Variants in PPP2R2C observed in about 807,000 individuals in gnomAD.
The protein encoded by PPP2R2C is protein phosphatase 2 regulatory subunit Bgamma, also known as protein phosphatase 2, regulatory subunit B, gamma.
A neutral mutation model predicts 45.3 loss-of-function variants in PPP2R2C; 10 were observed. That is an observed-to-expected ratio of 0.22 (90% CI 0.14 to 0.37). PPP2R2C has a LOEUF of 0.37. Ranked by LOEUF, PPP2R2C falls within the 10% of genes least tolerant of loss-of-function variation. PPP2R2C has a pLI of 1.00. For synonymous variants in PPP2R2C, 257 were observed against 245.4 expected, an observed-to-expected ratio of 1.05 and a Z score of -0.44; for missense variants, 308 against 619.7, an observed-to-expected ratio of 0.50 and a Z score of 5.34.
At chr4:6,522,955 GA>G (rs1724072917) in intron 2 of PPP2R2C, among the ~76,000 whole-genome samples, 1 of 152,242 alleles carries the variant, frequency 6.6e-6, no homozygotes, top group African/African-American at 2.4e-5. Flanking sequence ...GAGGCAGGGA[GA>G]GGGGCAGGCC....
chr4:6,542,709 A>AAAAAAAAGAAAAAG (rs112182178), intron 1 of PPP2R2C, among the ~76,000 whole-genome samples: 1 of 127,836 alleles, frequency 7.8e-6, no homozygotes, highest in African/African-American at 2.8e-5. Flanking sequence ...TCTCAAAAAA[A>AAAAAAAAGAAAAAG]AAAAAGAAAA....
At chr4:6,441,342 TC>T (rs796591618) in intron 1 of PPP2R2C, among the ~76,000 whole-genome samples, 9 of 151,902 alleles carry the variant, frequency 5.9e-5, no homozygotes, top group African/African-American at 1.7e-4. Flanking sequence ...GGTCCCTCAC[TC>T]CATGGCTTAA....
chr4:6,419,686 A>C (rs1432095524), intron 1 of PPP2R2C, among the ~76,000 whole-genome samples: 1 of 152,280 alleles, frequency 6.6e-6, no homozygotes, highest in East Asian at 1.9e-4. Flanking sequence ...GCTGGAAAAC[A>C]ATCGAACTTT....
At chr4:6,347,782 C>A (rs1712133283) in intron 6 of PPP2R2C, 64 bp downstream of exon 6, 2 of 1,452,930 alleles carry the variant, frequency 1.4e-6, no homozygotes, top group Non-Finnish European at 1.8e-6. Context: ...TGCACCAGGA[C>A]AGGACATCCC....
At chr4:6,533,320 G>T (rs1214234609) in intron 2 of PPP2R2C, among the ~76,000 whole-genome samples, 1 of 152,140 alleles carries the variant, frequency 6.6e-6, no homozygotes, top group African/African-American at 2.4e-5. Flanking sequence ...ATTCTAAACT[G>T]CAGAGCCTCC....
chr4:6,441,179 T>C (rs1043192632), intron 1 of PPP2R2C, among the ~76,000 whole-genome samples: 2 of 152,032 alleles, frequency 1.3e-5, no homozygotes, highest in Non-Finnish European at 2.9e-5. Flanking sequence ...GGAACCTCAG[T>C]GCAGGCTCTG....
chr4:6,450,706 T>C (rs1720692404), intron 1 of PPP2R2C, among the ~76,000 whole-genome samples: 1 of 152,258 alleles, frequency 6.6e-6, no homozygotes, highest in East Asian at 1.9e-4. Flanking sequence ...AGGCCTGGGT[T>C]AAAATCCTGG....
intron 1 of PPP2R2C, among the ~76,000 whole-genome samples, chr4:6,444,617 C>A (rs1410702805): frequency 2.0e-5 from 3 of 152,342 alleles, no homozygotes; most frequent in African/African-American, 7.2e-5. Flanking sequence ...GACAGTAACT[C>A]TGCACTTCAG....
chr4:6,350,466 C>T (rs1445392774), intron 5 of PPP2R2C: 2 of 985,336 alleles, frequency 2.0e-6, no homozygotes, highest in Non-Finnish European at 2.4e-6. Flanking sequence ...CTGAGACACA[C>T]AAAAGCCACA....
At chr4:6,519,430 A>G (rs1356724018) in intron 2 of PPP2R2C, among the ~76,000 whole-genome samples, 2 of 152,064 alleles carry the variant, frequency 1.3e-5, no homozygotes, top group African/African-American at 4.8e-5. Context: ...AAGTCCACCC[A>G]GGCCCCACGG....
intron 1 of PPP2R2C, among the ~76,000 whole-genome samples, chr4:6,435,435 T>C (rs1384215025): frequency 1.3e-5 from 2 of 152,236 alleles, no homozygotes; most frequent in Non-Finnish European, 2.9e-5. Flanking sequence ...GCTCAATTAT[T>C]TTTTTCCTTA....
At chr4:6,473,993 C>A (rs536684119), upstream of PPP2R2C, among the ~76,000 whole-genome samples, 3 of 152,330 alleles carry the variant, frequency 2.0e-5, no homozygotes, top group South Asian at 6.2e-4. Flanking sequence ...CTGCCCTGTT[C>A]CAGCCTCTAC....
intron 1 of PPP2R2C, chr4:6,383,193 C>T (rs191145675): frequency 1.0e-5 from 12 of 1,188,334 alleles, no homozygotes; most frequent in South Asian, 3.1e-5. Context: ...CAGGCTGGCC[C>T]ACTGGCCCCT....
At chr4:6,349,625 G>A in intron 5 of PPP2R2C, 2 of 966,630 alleles carry the variant, frequency 2.1e-6, no homozygotes, top group Non-Finnish European at 2.5e-6. Context: ...CGGATCACGA[G>A]GTCAGGAGAT....
At chr4:6,526,522 C>A (rs1724214443) in intron 2 of PPP2R2C, among the ~76,000 whole-genome samples, 2 of 152,206 alleles carry the variant, frequency 1.3e-5, no homozygotes, top group Admixed American at 1.3e-4. Flanking sequence ...GAACTGTGCA[C>A]TCTAAAATGG....
intron 1 of PPP2R2C, chr4:6,383,213 G>C: frequency 8.4e-7 from 1 of 1,193,310 alleles, no homozygotes. Context: ...TGAGGGGGAG[G>C]AGGAAGAGTG....
chr4:6,428,925 G>A (rs1435714906), intron 1 of PPP2R2C, among the ~76,000 whole-genome samples: 1 of 152,210 alleles, frequency 6.6e-6, no homozygotes, highest in Non-Finnish European at 1.5e-5. Context: ...CACTATAGGC[G>A]ATCTAAACTT....
intron 1 of PPP2R2C, among the ~76,000 whole-genome samples, chr4:6,556,788 G>C (rs923039588): frequency 7.2e-5 from 11 of 152,054 alleles, no homozygotes; most frequent in African/African-American, 2.7e-4. Flanking sequence ...CCTCCTGGGA[G>C]AATCTGCAAG....
Position 6,472,381 on chromosome 4 carries a change from C to G in PPP2R2C, c.-152G>C. The G allele has an allele frequency of 2.7e-6, 2 of 753,152 alleles. No individual in the cohort carries two copies. The highest frequency in any genetic ancestry group is 6.3e-5 in the South Asian group (1 of 15,810). The allele number at this position is 753,152 out of a possible 1,614,324, so 46.7% of individuals were successfully genotyped here. On this transcript the variant is annotated 5_prime_UTR_variant, in exon 1 of 9. Coordinates refer to ENST00000382599, the MANE Select transcript of PPP2R2C (RefSeq NM_020416.4). Reference sequence around the variant, plus strand: ...AAGGGAGGGCATCGCGGCAGGGGGACGGGCGGGGGCGGCCGGGGGCGGGCG... The same window carrying G: ...AAGGGAGGGCATCGCGGCAGGGGGAGGGGCGGGGGCGGCCGGGGGCGGGCG...
Sources: gnomAD v4.1 joint callset for allele counts (sites outside exome capture counted in the v4.1 genomes callset) on GRCh38, gnomAD v4.1.1 for gene constraint, MANE v1.5 for transcripts, NCBI Gene and HGNC (gene_info 2026-07-23, HGNC 2026-07-21) for gene names.